CNBD1: variants seen among roughly 807,000 people sequenced by gnomAD.
CNBD1 encodes cyclic nucleotide-binding domain-containing protein 1.
CNBD1 carries 71 observed loss-of-function variants against 54.4 expected under a neutral mutation model. The observed-to-expected ratio is 1.30, with a 90% CI of 1.08 to 1.59. CNBD1 has a LOEUF of 1.59. Ranked by LOEUF, CNBD1 falls within the 40% of genes most tolerant of loss-of-function variation. The pLI is 0.00. For missense variants in CNBD1, 659 were observed against 518.0 expected, an observed-to-expected ratio of 1.27 and a Z score of -2.64; for synonymous variants, 182 against 170.7, an observed-to-expected ratio of 1.07 and a Z score of -0.51.
At chr8:87,242,947 C>A (rs1316090280) in intron 6 of CNBD1, among the ~76,000 whole-genome samples, 1 of 152,158 alleles carries the variant, frequency 6.6e-6, no homozygotes, top group Non-Finnish European at 1.5e-5. Context: ...TGAAAAAGGA[C>A]AGGGTGGAGG....
intron 6 of CNBD1, among the ~76,000 whole-genome samples, chr8:87,274,016 C>A (rs1270506424): frequency 6.7e-6 from 1 of 149,688 alleles, no homozygotes; most frequent in African/African-American, 2.5e-5. Context: ...TGAGAATATG[C>A]GGTGTTTGGT....
In CNBD1 at chr8:87,161,035, C is replaced by T. The variant is rs115179720; in HGVS notation, c.432-44958C>T. On this transcript the variant is annotated intron_variant, in intron 4 of 10. Coordinates refer to ENST00000518476, the MANE Select transcript of CNBD1 (RefSeq NM_173538.3). ...TCATTGTTATCATCATCATCATCAT[C>T]TAGATTTTATTTTTCTCTTGTGTGA... Among the ~76,000 whole-genome samples, 1,288 of 152,112 alleles carry T rather than the reference C, an allele frequency of 8.5e-3. 21 individuals carry two copies. Among genetic ancestry groups the T allele is most frequent in the African/African-American group, 0.026 (1,084 of 41,482 alleles).
intron 4 of CNBD1, among the ~76,000 whole-genome samples, chr8:87,098,792 C>T (rs1057417791): frequency 2.0e-5 from 3 of 150,118 alleles, no homozygotes; most frequent in Non-Finnish European, 4.4e-5. Context: ...AATCTCAGCA[C>T]TTTGGGAGGC....
intron 4 of CNBD1, among the ~76,000 whole-genome samples, chr8:87,131,813 G>A (rs1306454283): frequency 6.6e-6 from 1 of 151,788 alleles, no homozygotes; most frequent in African/African-American, 2.4e-5. Context: ...AACTTCTGAT[G>A]CTCTTATTTT....
At chr8:87,092,454 C>CGTGTGTGTGTGT in intron 4 of CNBD1, among the ~76,000 whole-genome samples, 1 of 126,276 alleles carries the variant, frequency 7.9e-6, no homozygotes, top group African/African-American at 3.1e-5. Context: ...TATATATACA[C>CGTGTGTGTGTGT]ATATGTGTGT....
intron 1 of CNBD1, among the ~76,000 whole-genome samples, chr8:86,882,011 AC>A (rs1192750094): frequency 6.6e-6 from 1 of 152,158 alleles, no homozygotes; most frequent in Non-Finnish European, 1.5e-5. Context: ...CCCCTTTTTT[AC>A]ACTATATTCA....
chr8:87,193,481 C>G (rs1333089573), intron 4 of CNBD1, among the ~76,000 whole-genome samples: 3 of 152,076 alleles, frequency 2.0e-5, no homozygotes, highest in Non-Finnish European at 4.4e-5. Context: ...AGTTTCATCC[C>G]CAAATAAATT....
At chr8:86,985,315 G>T (rs1218995436) in intron 4 of CNBD1, among the ~76,000 whole-genome samples, 1 of 152,044 alleles carries the variant, frequency 6.6e-6, no homozygotes, top group Admixed American at 6.6e-5. Flanking sequence ...ATACATTAAG[G>T]TTTGGGTTAT....
At chr8:87,402,911 T>A (rs1465340979) in intron 2 of CNBD1, among the ~76,000 whole-genome samples, 1 of 152,070 alleles carries the variant, frequency 6.6e-6, no homozygotes, top group Non-Finnish European at 1.5e-5. Flanking sequence ...GAGCTACTGC[T>A]GTACAAGCAC....
intron 4 of CNBD1, among the ~76,000 whole-genome samples, chr8:86,991,077 G>C (rs1475079561): frequency 6.6e-6 from 1 of 152,048 alleles, no homozygotes; most frequent in Admixed American, 6.5e-5. Context: ...AATTTGGGTG[G>C]TGGTAGTCTT....
intron 6 of CNBD1, among the ~76,000 whole-genome samples, chr8:87,238,312 ACT>A (rs1297646146): frequency 6.6e-6 from 1 of 151,936 alleles, no homozygotes; most frequent in Non-Finnish European, 1.5e-5. Flanking sequence ...CAATGTGGAA[ACT>A]CTACCCACTA....
At chr8:87,158,531 T>G (rs1251805381) in intron 4 of CNBD1, among the ~76,000 whole-genome samples, 1 of 152,218 alleles carries the variant, frequency 6.6e-6, no homozygotes, top group African/African-American at 2.4e-5. Flanking sequence ...CTCATTACTT[T>G]TGAACTCTGT....
chr8:87,058,525 A>G (rs984721070), intron 4 of CNBD1, among the ~76,000 whole-genome samples: 3 of 152,124 alleles, frequency 2.0e-5, no homozygotes, highest in Non-Finnish European at 4.4e-5. Flanking sequence ...AGGCATTTCC[A>G]TACATCCTCT....
intron 8 of CNBD1, among the ~76,000 whole-genome samples, chr8:87,320,664 A>G (rs1265225332): frequency 6.6e-6 from 1 of 151,992 alleles, no homozygotes; most frequent in Non-Finnish European, 1.5e-5. Flanking sequence ...GTCACAAAAA[A>G]TACAGTAACT....
intron 10 of CNBD1, among the ~76,000 whole-genome samples, chr8:87,359,218 CAAACATTT>C (rs1227028145): frequency 0.019 from 2,821 of 152,154 alleles, 88 homozygotes; most frequent in African/African-American, 0.061. Flanking sequence ...TGTGTGTGTA[CAAACATTT>C]TAATTCATTC....
chr8:87,116,466 A>C (rs932198122), intron 4 of CNBD1, among the ~76,000 whole-genome samples: 1 of 152,150 alleles, frequency 6.6e-6, no homozygotes, highest in African/African-American at 2.4e-5. Flanking sequence ...CTCCTGCCTC[A>C]GCCTCCCATA....
chr8:87,057,280 G>A (rs1011763826), intron 4 of CNBD1, among the ~76,000 whole-genome samples: 5 of 152,228 alleles, frequency 3.3e-5, no homozygotes, highest in Admixed American at 6.5e-5. Flanking sequence ...AAGCAAACAC[G>A]TTCTTCTTCA....
intron 2 of CNBD1, among the ~76,000 whole-genome samples, chr8:87,406,173 A>G (rs1807648854): frequency 6.6e-6 from 1 of 152,074 alleles, no homozygotes; most frequent in South Asian, 2.1e-4. Flanking sequence ...ATCTGTATCC[A>G]AATACATCAT....
At chr8:87,099,559 T>C (rs1259991585) in intron 4 of CNBD1, among the ~76,000 whole-genome samples, 1 of 152,162 alleles carries the variant, frequency 6.6e-6, no homozygotes, top group African/African-American at 2.4e-5. Flanking sequence ...AGTGGAAATA[T>C]TCTTGGATAT....
Sources: allele counts gnomAD v4.1 joint callset (sites outside exome capture counted in the v4.1 genomes callset), GRCh38; gene constraint gnomAD v4.1.1; transcripts MANE v1.5; gene names NCBI Gene and HGNC (gene_info 2026-07-23, HGNC 2026-07-21).